MAML3: variants seen among roughly 807,000 people sequenced by gnomAD.
The protein encoded by MAML3 is mastermind like transcriptional coactivator 3, also known as mastermind-like protein 3.
A neutral mutation model predicts 101.9 loss-of-function variants in MAML3; 27 were observed. The ratio of observed to expected loss-of-function variants is 0.27; its 90% CI spans 0.20 to 0.37. The LOEUF (loss-of-function observed/expected upper bound fraction) is 0.37. Ranked by LOEUF, MAML3 falls within the 10% of genes least tolerant of loss-of-function variation. MAML3 has a pLI of 1.00. For missense variants in MAML3, 1,316 were observed against 1,444.9 expected, an observed-to-expected ratio of 0.91 and a Z score of 1.45; for synonymous variants, 501 against 555.9, an observed-to-expected ratio of 0.90 and a Z score of 1.39.
intron 1 of MAML3, among the ~76,000 whole-genome samples, chr4:139,994,513 G>T (rs1734764896): frequency 6.6e-6 from 1 of 151,960 alleles, no homozygotes; most frequent in Admixed American, 6.6e-5. Flanking sequence ...AAGAAAAATT[G>T]GTGGAGTAAG....
At chr4:139,845,555 C>G (rs557351327) in intron 2 of MAML3, among the ~76,000 whole-genome samples, 6 of 152,088 alleles carry the variant, frequency 3.9e-5, no homozygotes, top group Admixed American at 3.3e-4. Flanking sequence ...AGATCTCACA[C>G]GGTAAATGAC....
intron 2 of MAML3, among the ~76,000 whole-genome samples, chr4:139,803,226 A>G (rs923869441): frequency 5.3e-5 from 8 of 152,220 alleles, no homozygotes; most frequent in African/African-American, 1.9e-4. Flanking sequence ...ACTGCATGCC[A>G]GTCTGGGCAA....
At chr4:139,906,442 A>C (rs1732823068) in intron 1 of MAML3, among the ~76,000 whole-genome samples, 1 of 152,190 alleles carries the variant, frequency 6.6e-6, no homozygotes, top group Non-Finnish European at 1.5e-5. Flanking sequence ...CAGCTTAGTA[A>C]ATGTCACTTT....
chr4:140,110,389 T>C (rs1043848760), intron 1 of MAML3, among the ~76,000 whole-genome samples: 21 of 152,162 alleles, frequency 1.4e-4, no homozygotes, highest in African/African-American at 4.8e-4. Context: ...CCTATCGTCG[T>C]TTTTCCAGCA....
Position 140,019,117 on chromosome 4 carries a change from G to A in MAML3, c.469-128150C>T, listed in dbSNP as rs561588346. On this transcript the variant is annotated intron_variant, in intron 1 of 4. Transcript: ENST00000509479. ...ATCTTTTAGGTTAACTCTGCCCTCC[G>A]CCCACACTGAACTACTTTCAGTTCC... is the stretch of plus-strand genomic sequence containing the variant. 1.3e-4 allele frequency among the ~76,000 whole-genome samples: 19 copies of A among 146,322 alleles called. 1 individual carries two copies. The South Asian group carries it at 3.5e-3, about 27-fold the overall frequency.
chr4:139,817,079 ACT>A (rs1418023814), intron 2 of MAML3, among the ~76,000 whole-genome samples: 1 of 152,022 alleles, frequency 6.6e-6, no homozygotes, highest in Admixed American at 6.5e-5. Flanking sequence ...CCATGATGTC[ACT>A]CTGACTACCT....
At position 139,717,377 on chromosome 4, in the gene MAML3, T is replaced by C. The variant is rs1367892145; in HGVS notation, c.*1946A>G. 1.3e-5 allele frequency: 2 copies of C among 152,558 alleles called. No homozygotes were observed. The highest frequency in any genetic ancestry group is 4.8e-5 in the African/African-American group (2 of 41,448). The allele number at this position is 152,558 out of a possible 1,614,324, so 9.5% of individuals were successfully genotyped here. ...GTTTTGTGTCTTCTCATTTGTTTGT[T>C]TGCTTTTTTTTGGTTTCATCTCTTT... On this transcript the variant is annotated 3_prime_UTR_variant, in exon 5 of 5. Transcript: ENST00000509479.
At chr4:140,070,614 A>G (rs1202966588) in intron 1 of MAML3, among the ~76,000 whole-genome samples, 2 of 152,206 alleles carry the variant, frequency 1.3e-5, no homozygotes, top group Non-Finnish European at 2.9e-5. Context: ...GCAAAGCCCA[A>G]GTCAGAATCA....
intron 1 of MAML3, among the ~76,000 whole-genome samples, chr4:139,973,917 T>C (rs1043948106): frequency 1.3e-5 from 2 of 152,180 alleles, no homozygotes; most frequent in African/African-American, 4.8e-5. Flanking sequence ...GCAAAATTTC[T>C]CATTCTCCCA....
intron 1 of MAML3, among the ~76,000 whole-genome samples, chr4:140,093,381 A>C (rs1451266353): frequency 6.7e-6 from 1 of 150,096 alleles, no homozygotes; most frequent in Non-Finnish European, 1.5e-5. Flanking sequence ...TGCTCAGTGG[A>C]TCCTAACCAC....
intron 1 of MAML3, among the ~76,000 whole-genome samples, chr4:140,148,895 A>C (rs887532452): frequency 5.3e-5 from 8 of 152,242 alleles, no homozygotes; most frequent in African/African-American, 1.9e-4. Context: ...GCTGTATATA[A>C]ATTAAGCACA....
chr4:139,740,841 C>T (rs1729142371), intron 2 of MAML3: 1 of 152,494 alleles, frequency 6.6e-6, no homozygotes, highest in Non-Finnish European at 1.5e-5. Flanking sequence ...CCAGAACCGC[C>T]ACAGCCTTGG....
intron 1 of MAML3, among the ~76,000 whole-genome samples, chr4:140,008,680 T>C (rs1174875293): frequency 6.6e-6 from 1 of 152,212 alleles, no homozygotes; most frequent in Non-Finnish European, 1.5e-5. Context: ...ATAATCTCAA[T>C]GTGTCTTACT....
rs1172373972 is a variant in MAML3 at position 140,145,843 on chromosome 4, A to T, written c.468+7017T>A. Among the ~76,000 whole-genome samples, 11 of 148,170 alleles carry T rather than the reference A, an allele frequency of 7.4e-5. No homozygotes were observed. In the South Asian group the frequency reaches 2.4e-3, roughly 32 times the overall value. On this transcript the variant is annotated intron_variant, in intron 1 of 4. Coordinates refer to ENST00000509479, the MANE Select transcript of MAML3 (RefSeq NM_018717.5). ...CTCCCAAAGTGCTGGGATTACATGCATGAGCCACTGCGCCTGGCCTTTTTT... is the reference window on the plus strand; with the variant it reads ...CTCCCAAAGTGCTGGGATTACATGCTTGAGCCACTGCGCCTGGCCTTTTTT...
intron 2 of MAML3, among the ~76,000 whole-genome samples, chr4:139,865,496 G>GTT (rs1175520994): frequency 0.054 from 6,647 of 122,276 alleles, 286 homozygotes; most frequent in African/African-American, 0.11. Context: ...TTTTTTTTTT[G>GTT]TTTTTTTTTT....
intron 1 of MAML3, among the ~76,000 whole-genome samples, chr4:139,894,485 G>A (rs1732565014): frequency 6.7e-6 from 1 of 148,928 alleles, no homozygotes; most frequent in Non-Finnish European, 1.5e-5. Flanking sequence ...ACTCTAGCCT[G>A]CTGACAGAGC....
intron 2 of MAML3, among the ~76,000 whole-genome samples, chr4:139,858,142 C>T (rs1351840009): frequency 1.3e-5 from 2 of 152,228 alleles, no homozygotes; most frequent in Non-Finnish European, 2.9e-5. Flanking sequence ...TGTGTAAGTG[C>T]TACCATTATT....
At chr4:140,046,060 G>A (rs909775592) in intron 1 of MAML3, among the ~76,000 whole-genome samples, 5 of 152,138 alleles carry the variant, frequency 3.3e-5, no homozygotes, top group Non-Finnish European at 5.9e-5. Context: ...AATAAAACAT[G>A]GGAGTTATTT....
chr4:140,010,629 G>A (rs899111375), intron 1 of MAML3, among the ~76,000 whole-genome samples: 2 of 152,046 alleles, frequency 1.3e-5, no homozygotes, highest in Non-Finnish European at 2.9e-5. Flanking sequence ...TTATTTTGTT[G>A]AGTATGTTCA....
Sources: gnomAD v4.1 joint callset for allele counts (sites outside exome capture counted in the v4.1 genomes callset) on GRCh38, gnomAD v4.1.1 for gene constraint, MANE v1.5 for transcripts, NCBI Gene and HGNC (gene_info 2026-07-23, HGNC 2026-07-21) for gene names.